AKAP6: variants seen among roughly 807,000 people sequenced by gnomAD.
AKAP6 encodes A-kinase anchoring protein 6, also known as A-kinase anchor protein 6.
AKAP6 carries 58 observed loss-of-function variants against 188.5 expected under a neutral mutation model. The observed-to-expected ratio is 0.31, with a 90% CI of 0.25 to 0.38. The LOEUF (loss-of-function observed/expected upper bound fraction) is 0.38, where lower values mean the gene tolerates loss of function less well. Ranked by LOEUF, AKAP6 falls within the 10% of genes least tolerant of loss-of-function variation. The pLI, the probability that AKAP6 is intolerant of heterozygous loss-of-function variation, is 1.00. For missense variants in AKAP6, 2,710 were observed against 2,740.0 expected (o/e 0.99, Z 0.24); for synonymous variants, 989 against 998.6 (o/e 0.99, Z 0.18).
intron 1 of AKAP6, among the ~76,000 whole-genome samples, chr14:32,346,997 AT>A (rs1237290269): frequency 1.9e-4 from 29 of 152,354 alleles, no homozygotes; most frequent in African/African-American, 6.7e-4. Context: ...ACTAGCATTA[AT>A]TTGCAAAGCA....
At chr14:32,370,324 C>A (rs1887966659) in intron 1 of AKAP6, among the ~76,000 whole-genome samples, 1 of 152,196 alleles carries the variant, frequency 6.6e-6, no homozygotes, top group Admixed American at 6.5e-5. Context: ...TGGTCCTTAG[C>A]CACCATCAGT....
chr14:32,715,873 A>C (rs1284070761), intron 9 of AKAP6, among the ~76,000 whole-genome samples: 1 of 151,894 alleles, frequency 6.6e-6, no homozygotes, highest in East Asian at 1.9e-4. Flanking sequence ...GAGATGAGAA[A>C]AGTTATGCCA....
chr14:32,433,643 G>C lies in AKAP6; in HGVS notation c.150G>C (p.Gln50His). The C allele has an allele frequency of 6.2e-7, 1 of 1,614,186 alleles. No homozygotes were observed. The highest frequency in any genetic ancestry group is 8.5e-7 in the Non-Finnish European group (1 of 1,180,034). ...CAATGAAGGACATGGACTCTGACCA[G>C]CAGTATGAAAAGCCACCCCCACTAC... The part of the protein sequence containing the change: ...EEAMKDMDSD[Q>H]QYEKPPPLHT... The change falls in exon 2 of 14, where the codon CAG becomes CAC. Residue 50 changes from glutamine (Q) to histidine (H), a missense_variant. Gln to His is a conservative substitution (Grantham distance 24, BLOSUM62 0). Transcript: ENST00000280979.
intron 1 of AKAP6, among the ~76,000 whole-genome samples, chr14:32,365,053 A>G (rs1326806870): frequency 6.6e-6 from 1 of 152,168 alleles, no homozygotes; most frequent in Non-Finnish European, 1.5e-5. Flanking sequence ...AAGTTAGCAT[A>G]TTGAAACAAG....
chr14:32,347,370 A>G (rs184256336), intron 1 of AKAP6, among the ~76,000 whole-genome samples: 38 of 152,334 alleles, frequency 2.5e-4, no homozygotes, highest in African/African-American at 8.2e-4. Flanking sequence ...GCTAAATGGT[A>G]ATGGTTATTG....
At chr14:32,747,314 T>G (rs543982918) in intron 11 of AKAP6, among the ~76,000 whole-genome samples, 56 of 152,350 alleles carry the variant, frequency 3.7e-4, no homozygotes, top group African/African-American at 1.3e-3. Context: ...TCATCCCTGC[T>G]GCTCTAACTT....
intron 2 of AKAP6, among the ~76,000 whole-genome samples, chr14:32,530,247 G>A (rs555363867): frequency 1.6e-3 from 249 of 152,046 alleles, no homozygotes; most frequent in Admixed American, 4.2e-3. Flanking sequence ...GGCTGGTCTC[G>A]AACTCCTGAG....
intron 11 of AKAP6, among the ~76,000 whole-genome samples, chr14:32,759,560 G>A (rs1369326995): frequency 6.6e-6 from 1 of 152,154 alleles, no homozygotes; most frequent in Non-Finnish European, 1.5e-5. Context: ...AGATACCTGA[G>A]ACTGGGTAAT....
intron 1 of AKAP6, among the ~76,000 whole-genome samples, chr14:32,356,280 G>T (rs959372261): frequency 6.6e-6 from 1 of 152,068 alleles, no homozygotes; most frequent in Non-Finnish European, 1.5e-5. Context: ...TCTCCTTAGG[G>T]TTTCTCATCC....
intron 7 of AKAP6, among the ~76,000 whole-genome samples, chr14:32,602,563 A>G (rs899000988): frequency 2.0e-5 from 3 of 152,172 alleles, no homozygotes; most frequent in Admixed American, 2.0e-4. Flanking sequence ...TGAGCTACTC[A>G]GGAGGCTGAG....
Position 32,601,812 on chromosome 14 carries a change from T to A in AKAP6, c.2730+1020T>A, listed in dbSNP as rs183667832. Among the ~76,000 whole-genome samples the A allele has an allele frequency of 3.9e-5, 6 of 152,332 alleles. No individual in the cohort carries two copies. The East Asian group carries it at 1.2e-3, about 29-fold the overall frequency. ...CTTTGCCCTCTTAGACTCACATTTT[T>A]AAATGCAGGCAGAGGAGAAACCCAT... On this transcript the variant is annotated intron_variant, in intron 7 of 13. Transcript: ENST00000280979.
At chr14:32,592,056 T>C (rs1460646654) in intron 5 of AKAP6, among the ~76,000 whole-genome samples, 3 of 152,190 alleles carry the variant, frequency 2.0e-5, no homozygotes, top group African/African-American at 7.2e-5. Flanking sequence ...CTGAGTAAAA[T>C]TTGGGGACAT....
intron 4 of AKAP6, among the ~76,000 whole-genome samples, chr14:32,553,564 CCT>C (rs769829863): frequency 3.9e-5 from 6 of 152,094 alleles, no homozygotes; most frequent in Non-Finnish European, 4.4e-5. Flanking sequence ...AGTAAATCCC[CCT>C]CTCATCCTTA....
intron 1 of AKAP6, among the ~76,000 whole-genome samples, chr14:32,413,899 G>T (rs2138657101): frequency 6.6e-6 from 1 of 151,376 alleles, no homozygotes; most frequent in African/African-American, 2.4e-5. Context: ...GAGTACAAAA[G>T]AGTCCAGTGT....
intron 2 of AKAP6, among the ~76,000 whole-genome samples, chr14:32,459,615 A>G (rs1891256721): frequency 6.6e-6 from 1 of 151,848 alleles, no homozygotes. Context: ...TAGAAAAGTA[A>G]AAATCACTGG....
chr14:32,610,844 T>G (rs1455837529), intron 7 of AKAP6, among the ~76,000 whole-genome samples: 1 of 152,180 alleles, frequency 6.6e-6, no homozygotes, highest in Non-Finnish European at 1.5e-5. Flanking sequence ...AGATGAGGAC[T>G]TAGTGAAAGA....
intron 13 of AKAP6, among the ~76,000 whole-genome samples, chr14:32,826,430 A>G (rs758292728): frequency 3.3e-5 from 5 of 152,228 alleles, no homozygotes; most frequent in Non-Finnish European, 7.3e-5. Flanking sequence ...AGCTGCTTCA[A>G]AACAAGTCCT....
intron 2 of AKAP6, among the ~76,000 whole-genome samples, chr14:32,450,163 C>T (rs1890891946): frequency 6.6e-6 from 1 of 152,150 alleles, no homozygotes; most frequent in South Asian, 2.1e-4. Flanking sequence ...ATATTCACCT[C>T]TGAAGATTGT....
At chr14:32,763,759 G>C (rs970650903) in intron 11 of AKAP6, among the ~76,000 whole-genome samples, 1 of 152,096 alleles carries the variant, frequency 6.6e-6, no homozygotes, top group Non-Finnish European at 1.5e-5. Context: ...CTTCAATATA[G>C]ATTAAGTTCC....
Sources: gnomAD v4.1 joint callset for allele counts (sites outside exome capture counted in the v4.1 genomes callset) on GRCh38, gnomAD v4.1.1 for gene constraint, MANE v1.5 for transcripts, NCBI Gene and HGNC (gene_info 2026-07-23, HGNC 2026-07-21) for gene names.